Variants in ZFP1 observed in about 807,000 individuals in gnomAD.
ZFP1 encodes zinc finger protein 1 homolog.
A neutral mutation model predicts 38.5 loss-of-function variants in ZFP1; 32 were observed. The observed-to-expected ratio is 0.83, with a 90% CI of 0.63 to 1.12. ZFP1 has a LOEUF of 1.12. Ranked by LOEUF, ZFP1 falls within the 50% of genes most tolerant of loss-of-function variation. The pLI, the probability that ZFP1 is intolerant of heterozygous loss-of-function variation, is 0.00. For synonymous variants in ZFP1, 245 were observed against 168.8 expected (o/e 1.45, Z -3.50); for missense variants, 616 against 480.8 (o/e 1.28, Z -2.63).
the ZFP1 span, among the ~76,000 whole-genome samples, chr16:75,141,605 C>T: frequency 5.0e-3 from 767 of 152,146 alleles, 6 homozygotes; most frequent in African/African-American, 0.018. Context: ...AATAAATTAT[C>T]TGTGTGTAGT....
At chr16:75,157,107 C>A (rs1419976709) in intron 2 of ZFP1, 1 of 152,216 alleles carries the variant, frequency 6.6e-6, no homozygotes, top group Admixed American at 6.6e-5. Flanking sequence ...GATTTCCTTC[C>A]TCTCTCTCAT....
chr16:75,125,855 T>C, the ZFP1 span, among the ~76,000 whole-genome samples: 3 of 151,778 alleles, frequency 2.0e-5, no homozygotes, highest in East Asian at 5.9e-4. Context: ...CCAGCCTGGC[T>C]AACATGGTGA....
the ZFP1 span, among the ~76,000 whole-genome samples, chr16:75,135,838 G>A: frequency 2.0e-5 from 3 of 151,902 alleles, no homozygotes; most frequent in South Asian, 4.2e-4. Context: ...TTTTTGAGAC[G>A]GAGTCTCACT....
the ZFP1 span, among the ~76,000 whole-genome samples, chr16:75,135,146 C>T: frequency 7.2e-6 from 1 of 138,106 alleles, no homozygotes; most frequent in East Asian, 2.4e-4. Context: ...GGAGTTACAG[C>T]GTGCAATGAG....
chr16:75,129,308 T>C, the ZFP1 span, among the ~76,000 whole-genome samples: 2 of 152,264 alleles, frequency 1.3e-5, no homozygotes, highest in East Asian at 1.9e-4. Flanking sequence ...AGAGATCAGA[T>C]GAAACCTGAG....
chr16:75,169,229 T>C, intron 3 of ZFP1, 24 bp from the exon 4 acceptor site: 1 of 1,574,858 alleles, frequency 6.3e-7, no homozygotes, highest in Non-Finnish European at 8.6e-7. Context: ...ACAAGGTTCT[T>C]TTCATTGTGC....
upstream of ZFP1, among the ~76,000 whole-genome samples, chr16:75,144,816 C>G (rs8057775): frequency 0.41 from 61,584 of 152,002 alleles, 13,335 homozygotes; most frequent in African/African-American, 0.56. Context: ...TTTGTGTCTG[C>G]CTTCTTTCTT....
chr16:75,149,126 G>C (rs745805623), intron 1 of ZFP1: 1 of 152,178 alleles, frequency 6.6e-6, no homozygotes, highest in Admixed American at 6.5e-5. Flanking sequence ...TTGTCAGAGG[G>C]TCTTCAGTGA....
chr16:75,132,151 G>A, the ZFP1 span, among the ~76,000 whole-genome samples: 1 of 152,280 alleles, frequency 6.6e-6, no homozygotes, highest in South Asian at 2.1e-4. Context: ...GCTTTGGGAA[G>A]CCAAGGCGGG....
intron 2 of ZFP1, among the ~76,000 whole-genome samples, chr16:75,158,520 T>A (rs1037724512): frequency 2.0e-5 from 3 of 151,636 alleles, no homozygotes; most frequent in African/African-American, 7.3e-5. Context: ...TAATTTTTTT[T>A]ATTTTTTTTG....
At chr16:75,161,217 C>A (rs566224438) in intron 2 of ZFP1, among the ~76,000 whole-genome samples, 1 of 151,914 alleles carries the variant, frequency 6.6e-6, no homozygotes, top group African/African-American at 2.4e-5. Context: ...ACAAGGTGTG[C>A]GCCACCACGC....
At chr16:75,138,670 G>A in the ZFP1 span, among the ~76,000 whole-genome samples, 1 of 152,204 alleles carries the variant, frequency 6.6e-6, no homozygotes, top group African/African-American at 2.4e-5. Context: ...GAGGTGAAGA[G>A]AAATGGACCC....
chr16:75,151,524 TTTGG>T (rs1402699632), intron 1 of ZFP1, among the ~76,000 whole-genome samples: 1 of 152,224 alleles, frequency 6.6e-6, no homozygotes, highest in African/African-American at 2.4e-5. Context: ...TAACAGAGTT[TTTGG>T]TTGTTACCCT....
intron 2 of ZFP1, among the ~76,000 whole-genome samples, chr16:75,156,454 C>T (rs1340400731): frequency 5.2e-5 from 4 of 77,520 alleles, no homozygotes; most frequent in Non-Finnish European, 8.7e-5. Context: ...AAGACTCTGT[C>T]TCAGAAAAAG....
chr16:75,168,443 C>T (rs2038220165), intron 3 of ZFP1, among the ~76,000 whole-genome samples: 1 of 150,836 alleles, frequency 6.6e-6, no homozygotes, highest in Non-Finnish European at 1.5e-5. Context: ...TGTGCCACTG[C>T]ACTCCAGCCT....
At chr16:75,167,469 C>G (rs184949250) in intron 3 of ZFP1, among the ~76,000 whole-genome samples, 1 of 151,514 alleles carries the variant, frequency 6.6e-6, no homozygotes, top group Non-Finnish European at 1.5e-5. Flanking sequence ...CCTAACATAT[C>G]TTAAACTTTG....
the ZFP1 span, among the ~76,000 whole-genome samples, chr16:75,119,822 C>G: frequency 6.6e-6 from 1 of 151,804 alleles, no homozygotes; most frequent in South Asian, 2.1e-4. Context: ...TTATGGGGAA[C>G]AAGGCCTCTG....
upstream of ZFP1, among the ~76,000 whole-genome samples, chr16:75,147,796 A>T (rs1480006239): frequency 6.6e-6 from 1 of 152,176 alleles, no homozygotes; most frequent in Non-Finnish European, 1.5e-5. Context: ...GATGGTGGTC[A>T]AGGGGTACAA....
the ZFP1 span, among the ~76,000 whole-genome samples, chr16:75,138,876 C>T: frequency 1.3e-5 from 2 of 152,148 alleles, no homozygotes; most frequent in Non-Finnish European, 2.9e-5. Context: ...TTTTCAGCTG[C>T]CCAGTATGTG....
Sources: allele counts gnomAD v4.1 joint callset (sites outside exome capture counted in the v4.1 genomes callset), GRCh38; gene constraint gnomAD v4.1.1; transcripts MANE v1.5; gene names NCBI Gene and HGNC (gene_info 2026-07-23, HGNC 2026-07-21).